Variants in KHDRBS1 observed in about 807,000 individuals in gnomAD.
KHDRBS1 encodes the protein KH RNA binding domain containing, signal transduction associated 1, also known as KH domain-containing, RNA-binding, signal transduction-associated protein 1.
A neutral mutation model predicts 48.4 loss-of-function variants in KHDRBS1; 7 were observed. The ratio of observed to expected loss-of-function variants is 0.14; its 90% CI spans 0.08 to 0.27. The LOEUF (loss-of-function observed/expected upper bound fraction) is 0.27. Ranked by LOEUF, KHDRBS1 falls within the 10% of genes least tolerant of loss-of-function variation. KHDRBS1 has a pLI of 1.00. For missense variants in KHDRBS1, 458 were observed against 601.2 expected, an observed-to-expected ratio of 0.76 and a Z score of 2.49; for synonymous variants, 241 against 235.8, an observed-to-expected ratio of 1.02 and a Z score of -0.20.
chr1:32,020,217 TA>T (rs1638830999), intron 1 of KHDRBS1, among the ~76,000 whole-genome samples: 1 of 151,382 alleles, frequency 6.6e-6, no homozygotes, highest in Non-Finnish European at 1.5e-5. Flanking sequence ...AGCTTGTCTC[TA>T]CAGAAAATTT....
At chr1:32,019,261 A>C (rs929003025) in intron 1 of KHDRBS1, among the ~76,000 whole-genome samples, 3 of 152,132 alleles carry the variant, frequency 2.0e-5, no homozygotes, top group East Asian at 3.8e-4. Flanking sequence ...TACAACAGAA[A>C]ATATTTGGCT....
Position 32,031,587 on chromosome 1 carries a change from A to G in KHDRBS1, c.571A>G (p.Thr191Ala). The change falls in exon 3 of 9, where the codon ACT (threonine) becomes GCT (alanine). Residue 191 changes from threonine to alanine, a missense_variant. Transcript: ENST00000327300. ...TACAATCAAAAGACTGCAGGAAGAG[A>G]CTGGTGCAAAGATCTCTGTATTGGG... ...GNTIKRLQEETGAKISVLGKG... is the reference protein window; with the variant it reads ...GNTIKRLQEEAGAKISVLGKG... The G allele has an allele frequency of 1.2e-6, 2 of 1,612,308 alleles. No homozygotes were observed. The highest frequency in any genetic ancestry group is 1.7e-6 in the Non-Finnish European group (2 of 1,179,514).
chr1:32,051,343 G>C (rs1639419842), intron 10 of KHDRBS1, among the ~76,000 whole-genome samples: 1 of 152,202 alleles, frequency 6.6e-6, no homozygotes, highest in South Asian at 2.1e-4. Context: ...TTTTGAAGTA[G>C]TTATTACTTA....
exon 11 of KHDRBS1, chr1:32,060,165 A>T (rs1052502133): frequency 2.0e-5 from 3 of 152,198 alleles, no homozygotes; most frequent in Non-Finnish European, 4.4e-5. Context: ...CTTTGCAGCT[A>T]TCAGAGGACT....
intron 6 of KHDRBS1, 95 bp downstream of exon 6, chr1:32,038,131 G>A (rs1424368433): frequency 1.3e-6 from 2 of 1,541,134 alleles, no homozygotes; most frequent in Non-Finnish European, 1.8e-6. Flanking sequence ...TAGGTGTCAT[G>A]GACTGCCTGT....
intron 10 of KHDRBS1, among the ~76,000 whole-genome samples, chr1:32,056,639 C>T (rs1262746112): frequency 6.6e-6 from 1 of 152,158 alleles, no homozygotes; most frequent in Non-Finnish European, 1.5e-5. Flanking sequence ...TATTCATGGC[C>T]TAGCTTTAGG....
At chr1:32,034,441 T>G (rs908556927) in intron 4 of KHDRBS1, among the ~76,000 whole-genome samples, 3 of 152,056 alleles carry the variant, frequency 2.0e-5, no homozygotes, top group African/African-American at 7.2e-5. Flanking sequence ...ATGCCTGTAA[T>G]CCCAGCTACT....
chr1:32,035,494 G>GC (rs1289528076), intron 4 of KHDRBS1, among the ~76,000 whole-genome samples: 1 of 152,204 alleles, frequency 6.6e-6, no homozygotes, highest in Non-Finnish European at 1.5e-5. Flanking sequence ...GAAAAGATTT[G>GC]CCAGTGGCAT....
At chr1:32,059,741 C>G (rs1211881574) in intron 10 of KHDRBS1, among the ~76,000 whole-genome samples, 2 of 152,004 alleles carry the variant, frequency 1.3e-5, no homozygotes, top group Admixed American at 6.6e-5. Flanking sequence ...TAATAAGATG[C>G]CTATTTTCTG....
At position 32,033,181 on chromosome 1, in the gene KHDRBS1, T is replaced by C. The variant is rs1317185678; in HGVS notation, c.625-7T>C. On this transcript the variant is annotated splice_polypyrimidine_tract_variant and splice_region_variant and intron_variant, in intron 3 of 8. Coordinates refer to ENST00000327300, the MANE Select transcript of KHDRBS1 (RefSeq NM_006559.3). ...ATGGTGTGACATTTCTCTGCATTTTTCCATAGGAGGAAGAGCTGCGCAAAG... is the reference window on the plus strand; with the variant it reads ...ATGGTGTGACATTTCTCTGCATTTTCCCATAGGAGGAAGAGCTGCGCAAAG... 1.6e-5 allele frequency: 26 copies of C among 1,612,748 alleles called. No homozygotes were observed. Among genetic ancestry groups the C allele is most frequent in the Non-Finnish European group, 1.9e-5 (22 of 1,178,720 alleles).
In KHDRBS1 at chr1:32,042,601, G is replaced by C; in HGVS notation, c.1309G>C (p.Glu437Gln). 2 of 1,610,920 alleles carry C rather than the reference G, an allele frequency of 1.2e-6. No homozygotes were observed. The highest frequency in any genetic ancestry group is 1.7e-6 in the Non-Finnish European group (2 of 1,177,228). The change falls in exon 9 of 9, where the codon GAG (glutamate) becomes CAG (glutamine). Residue 437 changes from glutamate (E) to glutamine (Q), a missense_variant. This residue lies in a region of KHDRBS1 where 171 missense variants were observed against 228.7 expected (regional missense o/e 0.75). Transcript: ENST00000327300. The part of the protein sequence containing the change: ...PARPVKGAYR[E>Q]HPYGRY ...TAGGCCAGTGAAGGGAGCATACAGA[G>C]AGCACCCATATGGACGTTATTAAAA...
downstream of KHDRBS1, among the ~76,000 whole-genome samples, chr1:32,045,814 G>A (rs928169785): frequency 2.6e-5 from 4 of 152,238 alleles, no homozygotes; most frequent in African/African-American, 7.2e-5. Flanking sequence ...CCACAGGAAC[G>A]ATCTTGAAAC....
At chr1:32,040,686 G>A (rs1056730510) in intron 8 of KHDRBS1, among the ~76,000 whole-genome samples, 1 of 152,224 alleles carries the variant, frequency 6.6e-6, no homozygotes, top group Non-Finnish European at 1.5e-5. Context: ...AGTGGATGCA[G>A]CGAGAGCTAC....
chr1:32,047,884 G>A (rs1333152904), downstream of KHDRBS1, among the ~76,000 whole-genome samples: 2 of 152,116 alleles, frequency 1.3e-5, no homozygotes, highest in African/African-American at 4.8e-5. Context: ...GCTGTTGGCA[G>A]CCACTACTCT....
chr1:32,025,917 A>C (rs141373052), intron 1 of KHDRBS1, among the ~76,000 whole-genome samples: 6 of 144,028 alleles, frequency 4.2e-5, no homozygotes, highest in African/African-American at 1.3e-4. Flanking sequence ...GCTAATTTAA[A>C]TATATATATA....
At chr1:32,015,068 A>G (rs781033515) in intron 1 of KHDRBS1, among the ~76,000 whole-genome samples, 1 of 152,194 alleles carries the variant, frequency 6.6e-6, no homozygotes, top group Non-Finnish European at 1.5e-5. Flanking sequence ...AACCCTAGAG[A>G]CAGTGAAATG....
chr1:32,017,225 TCC>T (rs1638760052), intron 1 of KHDRBS1, among the ~76,000 whole-genome samples: 1 of 150,262 alleles, frequency 6.7e-6, no homozygotes, highest in African/African-American at 2.5e-5. Context: ...ACCATTGCAC[TCC>T]AGCCTGGGTG....
intron 10 of KHDRBS1, among the ~76,000 whole-genome samples, chr1:32,056,158 G>A (rs1639477575): frequency 6.6e-6 from 1 of 152,100 alleles, no homozygotes; most frequent in African/African-American, 2.4e-5. Flanking sequence ...AGCCGGTACT[G>A]TGGTGATTGT....
At chr1:32,051,304 T>C (rs1465182514) in intron 10 of KHDRBS1, among the ~76,000 whole-genome samples, 2 of 152,230 alleles carry the variant, frequency 1.3e-5, no homozygotes, top group African/African-American at 2.4e-5. Flanking sequence ...AAAAATCAGT[T>C]AACCACAGAT....
Sources: gnomAD v4.1 joint callset for allele counts (sites outside exome capture counted in the v4.1 genomes callset) on GRCh38, gnomAD v4.1.1 for gene constraint, gnomAD v4.1.1 regional missense constraint, MANE v1.5 for transcripts, NCBI Gene and HGNC (gene_info 2026-07-23, HGNC 2026-07-21) for gene names.